The following THSD7B variants were observed in gnomAD, a reference collection of about 807,000 sequenced individuals.
The protein encoded by THSD7B is thrombospondin type-1 domain-containing protein 7B.
In THSD7B, 138 loss-of-function variants were observed where a neutral mutation model predicts 213.6. The observed-to-expected ratio is 0.65, with a 90% CI of 0.56 to 0.74. The LOEUF (loss-of-function observed/expected upper bound fraction) is 0.74, where lower values mean the gene tolerates loss of function less well. Ranked by LOEUF, THSD7B falls within the 30% of genes least tolerant of loss-of-function variation. The probability of loss-of-function intolerance (pLI) is 0.00; values close to 1 mark genes in which losing one functional copy is unlikely to be tolerated. For missense variants in THSD7B, 1,931 were observed against 1,991.5 expected (o/e 0.97, Z 0.58); for synonymous variants, 742 against 687.0 (o/e 1.08, Z -1.25).
intron 2 of THSD7B, among the ~76,000 whole-genome samples, chr2:137,031,821 C>T (rs2104853101): frequency 6.9e-6 from 1 of 143,952 alleles, no homozygotes; most frequent in Non-Finnish European, 1.5e-5. Context: ...CCATGGCATG[C>T]TTTTCTTTCC....
chr2:137,066,589 G>A (rs963565961), intron 3 of THSD7B, among the ~76,000 whole-genome samples: 4 of 152,046 alleles, frequency 2.6e-5, no homozygotes, highest in African/African-American at 7.2e-5. Flanking sequence ...GGTAAGGTGT[G>A]TTTTTCTCCC....
intron 5 of THSD7B, among the ~76,000 whole-genome samples, chr2:137,146,122 G>C (rs1371751710): frequency 1.3e-5 from 2 of 152,008 alleles, no homozygotes; most frequent in Non-Finnish European, 2.9e-5. Flanking sequence ...AAATTCTACA[G>C]CATATCAGTT....
chr2:137,034,297 G>C (rs188829768), intron 2 of THSD7B, among the ~76,000 whole-genome samples: 283 of 152,096 alleles, frequency 1.9e-3, no homozygotes, highest in African/African-American at 6.5e-3. Flanking sequence ...GTAGAGACGG[G>C]GTTTCACCAT....
intron 12 of THSD7B, among the ~76,000 whole-genome samples, chr2:137,394,486 A>C (rs1324912140): frequency 7.3e-6 from 1 of 137,318 alleles, no homozygotes; most frequent in Non-Finnish European, 1.6e-5. Context: ...ATGCGGCGTT[A>C]TTTCTGAGGG....
intron 12 of THSD7B, among the ~76,000 whole-genome samples, chr2:137,284,705 T>C (rs933418695): frequency 1.6e-4 from 25 of 152,050 alleles, no homozygotes; most frequent in Admixed American, 1.6e-3. Flanking sequence ...TGTAGTTGAG[T>C]TGTTTTGAGT....
At chr2:137,138,049 G>A (rs1049949911) in intron 5 of THSD7B, among the ~76,000 whole-genome samples, 1 of 151,878 alleles carries the variant, frequency 6.6e-6, no homozygotes, top group Admixed American at 6.6e-5. Context: ...ACCATACCTG[G>A]TTAATTTTTT....
At chr2:137,499,819 A>G (rs552632194) in intron 15 of THSD7B, among the ~76,000 whole-genome samples, 13 of 152,288 alleles carry the variant, frequency 8.5e-5, no homozygotes, top group Admixed American at 6.5e-4. Context: ...GTGCACACAC[A>G]TACACACCAG....
intron 15 of THSD7B, among the ~76,000 whole-genome samples, chr2:137,518,338 A>C (rs1680113442): frequency 6.6e-6 from 1 of 152,154 alleles, no homozygotes; most frequent in African/African-American, 2.4e-5. Flanking sequence ...ACAGTGGTGA[A>C]GGGAAGTCTT....
chr2:136,938,847 G>C (rs925449064), intron 2 of THSD7B, among the ~76,000 whole-genome samples: 2 of 152,148 alleles, frequency 1.3e-5, no homozygotes, highest in Non-Finnish European at 2.9e-5. Flanking sequence ...ACTTAGTGTG[G>C]TGTCACAGAG....
chr2:137,135,580 C>T (rs1252236859), intron 5 of THSD7B, among the ~76,000 whole-genome samples: 2 of 152,134 alleles, frequency 1.3e-5, no homozygotes, highest in Non-Finnish European at 2.9e-5. Flanking sequence ...CCTTTTGAAA[C>T]TTGCATTTCT....
intron 2 of THSD7B, among the ~76,000 whole-genome samples, chr2:136,994,392 C>A (rs1280553453): frequency 6.6e-6 from 1 of 151,940 alleles, no homozygotes; most frequent in Non-Finnish European, 1.5e-5. Context: ...CGGTGAAACC[C>A]CGTCTCTACT....
chr2:137,064,346 A>G (rs1184942836), intron 3 of THSD7B, among the ~76,000 whole-genome samples: 1 of 151,896 alleles, frequency 6.6e-6, no homozygotes, highest in Non-Finnish European at 1.5e-5. Context: ...TCATTTTTAA[A>G]TTGTATTATT....
At position 137,231,372 on chromosome 2, in the gene THSD7B, C is replaced by T; in HGVS notation, c.1915+137C>T. On this transcript the variant is annotated intron_variant, in intron 8 of 27. Transcript: ENST00000409968. ...TCTCTATTCCCTGAATCCAGATTAACAGTTTCATTTCCCTCCATGCTTTTT... is the reference window on the plus strand; with the variant it reads ...TCTCTATTCCCTGAATCCAGATTAATAGTTTCATTTCCCTCCATGCTTTTT... The T allele has an allele frequency of 3.2e-6, 3 of 929,472 alleles. No homozygotes were observed. The South Asian group carries it at 5.7e-5, about 18-fold the overall frequency. 57.6% of individuals were successfully genotyped at this position (929,472 alleles called of 1,614,324 possible).
chr2:137,251,058 T>C (rs141049825), intron 10 of THSD7B, among the ~76,000 whole-genome samples: 1 of 152,252 alleles, frequency 6.6e-6, no homozygotes, highest in African/African-American at 2.4e-5. Context: ...CAGTTTTCAG[T>C]CCCCAAAGTA....
At position 137,328,164 on chromosome 2, in the gene THSD7B, TA is replaced by T. The variant is rs376266734; in HGVS notation, c.2500+52141del. 2.1e-3 allele frequency among the ~76,000 whole-genome samples: 327 copies of T among 152,322 alleles called. 4 individuals carry two copies. Among genetic ancestry groups the T allele is most frequent in the African/African-American group, 7.7e-3 (319 of 41,566 alleles). ...ATGCGTATGAGTCTAAAATATTAGA[TA>T]AAGAGAGCATATTATTTTAAAAATG... On this transcript the variant is annotated intron_variant, in intron 12 of 27. Transcript: ENST00000409968.
chr2:137,311,184 G>A (rs1193518852), intron 12 of THSD7B, among the ~76,000 whole-genome samples: 1 of 150,208 alleles, frequency 6.7e-6, no homozygotes, highest in Admixed American at 6.7e-5. Flanking sequence ...ATTTCGTTGA[G>A]CAGTGGTTTG....
At chr2:136,935,466 G>A (rs890118743) in intron 2 of THSD7B, among the ~76,000 whole-genome samples, 2 of 152,116 alleles carry the variant, frequency 1.3e-5, no homozygotes, top group African/African-American at 4.8e-5. Context: ...TCTCCATGAT[G>A]TAGGGAATAA....
At chr2:137,514,409 G>A (rs192539694) in intron 15 of THSD7B, among the ~76,000 whole-genome samples, 6 of 152,254 alleles carry the variant, frequency 3.9e-5, no homozygotes, top group African/African-American at 9.6e-5. Flanking sequence ...TTCTGTCCTT[G>A]AACATTGGAC....
rs550341464 is a variant in THSD7B, at chr2:137,086,851, G to A, written c.951-8022G>A. Among the ~76,000 whole-genome samples, 6 of 152,264 alleles carry A rather than the reference G, an allele frequency of 3.9e-5. No homozygotes were observed. The East Asian group carries it at 1.2e-3, about 29-fold the overall frequency. On this transcript the variant is annotated intron_variant, in intron 3 of 27. Coordinates refer to ENST00000409968, the MANE Select transcript of THSD7B (RefSeq NM_001316349.2). ...AAGAAAAAATTTGACAATACTTTATGTATCTGCTTATATAAATATTTATGA... is the reference window on the plus strand; with the variant it reads ...AAGAAAAAATTTGACAATACTTTATATATCTGCTTATATAAATATTTATGA...
Sources: gnomAD v4.1 joint callset for allele counts (sites outside exome capture counted in the v4.1 genomes callset) on GRCh38, gnomAD v4.1.1 for gene constraint, MANE v1.5 for transcripts, NCBI Gene and HGNC (gene_info 2026-07-23, HGNC 2026-07-21) for gene names.